ZNF536: variants seen among roughly 807,000 people sequenced by gnomAD.
ZNF536 encodes the protein zinc finger protein 536.
In ZNF536, 13 loss-of-function variants were observed where a neutral mutation model predicts 84.5. The observed-to-expected ratio is 0.15, with a 90% CI of 0.10 to 0.24. ZNF536 has a LOEUF of 0.24. ZNF536 is among the 10% of genes least tolerant of loss of function. The pLI is 1.00. For missense variants in ZNF536, 1,536 were observed against 1,747.5 expected (o/e 0.88, Z 2.16); for synonymous variants, 811 against 742.5 (o/e 1.09, Z -1.50).
chr19:30,592,726 A>T (rs1369235847), intron 1 of ZNF536, among the ~76,000 whole-genome samples: 1 of 152,056 alleles, frequency 6.6e-6, no homozygotes, highest in Non-Finnish European at 1.5e-5. Context: ...GATTAAATCA[A>T]CTTTACCCCC....
intron 1 of ZNF536, among the ~76,000 whole-genome samples, chr19:30,629,263 A>G (rs1454637802): frequency 6.6e-6 from 1 of 152,142 alleles, no homozygotes; most frequent in East Asian, 1.9e-4. Flanking sequence ...CAGTGGCATG[A>G]TCACGGCTTA....
chr19:30,306,748 T>G (rs1263835939), intron 2 of ZNF536, among the ~76,000 whole-genome samples: 1 of 152,242 alleles, frequency 6.6e-6, no homozygotes, highest in African/African-American at 2.4e-5. Flanking sequence ...TAACTTTCTG[T>G]ATGCAGCTGT....
chr19:30,364,781 A>G (rs1240232841), intron 3 of ZNF536, among the ~76,000 whole-genome samples: 1 of 152,078 alleles, frequency 6.6e-6, no homozygotes, highest in African/African-American at 2.4e-5. Context: ...GAAAAGAAAA[A>G]CACCCTTTAT....
At chr19:30,277,451 A>G (rs756095238) in intron 1 of ZNF536, among the ~76,000 whole-genome samples, 6 of 152,200 alleles carry the variant, frequency 3.9e-5, no homozygotes, top group Non-Finnish European at 8.8e-5. Context: ...GAAAGCATTT[A>G]GATCGAACAG....
At chr19:30,308,517 G>C (rs2046406827) in intron 2 of ZNF536, among the ~76,000 whole-genome samples, 1 of 152,156 alleles carries the variant, frequency 6.6e-6, no homozygotes. Flanking sequence ...CTTGAGTTGG[G>C]CGCCATCTTG....
At chr19:30,333,745 A>T (rs2146433972) in intron 2 of ZNF536, among the ~76,000 whole-genome samples, 1 of 152,256 alleles carries the variant, frequency 6.6e-6, no homozygotes, top group Non-Finnish European at 1.5e-5. Context: ...GCCGGACCCC[A>T]CGGAGACTAA....
At chr19:30,382,144 G>A (rs947329940) in intron 1 of ZNF536, among the ~76,000 whole-genome samples, 3 of 152,026 alleles carry the variant, frequency 2.0e-5, no homozygotes, top group South Asian at 2.1e-4. Context: ...TGCTGCCCCC[G>A]CCTGCAAAGA....
intron 1 of ZNF536, among the ~76,000 whole-genome samples, chr19:30,374,919 G>A (rs1469445355): frequency 6.6e-6 from 1 of 151,840 alleles, no homozygotes; most frequent in Non-Finnish European, 1.5e-5. Flanking sequence ...CCATTCACGA[G>A]CAGGCAGCCC....
chr19:30,498,650 G>GA (rs1218483377), intron 2 of ZNF536, among the ~76,000 whole-genome samples: 1 of 152,066 alleles, frequency 6.6e-6, no homozygotes, highest in Non-Finnish European at 1.5e-5. Context: ...TCAAAAAATA[G>GA]AAAAAATATA....
intron 2 of ZNF536, among the ~76,000 whole-genome samples, chr19:30,290,958 T>C (rs2045818678): frequency 1.3e-5 from 2 of 152,178 alleles, no homozygotes; most frequent in Non-Finnish European, 2.9e-5. Flanking sequence ...TCTGTTCCTG[T>C]GTTGTTTGCT....
At chr19:30,334,451 C>CA (rs2047314148) in intron 2 of ZNF536, among the ~76,000 whole-genome samples, 1 of 152,064 alleles carries the variant, frequency 6.6e-6, no homozygotes, top group Non-Finnish European at 1.5e-5. Flanking sequence ...AGTAAGACCC[C>CA]AAGAAACAGA....
intron 3 of ZNF536, among the ~76,000 whole-genome samples, chr19:30,542,686 A>G (rs1001624774): frequency 5.9e-5 from 9 of 152,184 alleles, no homozygotes; most frequent in African/African-American, 1.7e-4. Context: ...ACATTTCACA[A>G]TGACTGCCTG....
chr19:30,653,826 C>T (rs1370775930), intron 1 of ZNF536, among the ~76,000 whole-genome samples: 1 of 152,168 alleles, frequency 6.6e-6, no homozygotes, highest in African/African-American at 2.4e-5. Flanking sequence ...GAAGTTAGAC[C>T]CCAGGAAAAG....
At chr19:30,667,017 G>A (rs1023151962) in intron 1 of ZNF536, among the ~76,000 whole-genome samples, 1 of 152,064 alleles carries the variant, frequency 6.6e-6, no homozygotes, top group Non-Finnish European at 1.5e-5. Flanking sequence ...GACCCTTGGG[G>A]CAGCTGTTCT....
intron 1 of ZNF536, among the ~76,000 whole-genome samples, chr19:30,638,240 C>T (rs1020228782): frequency 9.9e-5 from 15 of 152,184 alleles, no homozygotes; most frequent in Admixed American, 3.9e-4. Flanking sequence ...TTCCATCAGT[C>T]GTAAGGACTT....
chr19:30,550,630 G>A (rs2045740950), intron 4 of ZNF536, among the ~76,000 whole-genome samples: 3 of 151,672 alleles, frequency 2.0e-5, no homozygotes, highest in Admixed American at 2.0e-4. Flanking sequence ...GGGAAGGAAA[G>A]AAAAGGGAAG....
chr19:30,249,415 G>A (rs2024479474), intron 1 of ZNF536, among the ~76,000 whole-genome samples: 1 of 152,050 alleles, frequency 6.6e-6, no homozygotes, highest in African/African-American at 2.4e-5. Flanking sequence ...ACGCCCTTGT[G>A]GCATGAGTTC....
intron 1 of ZNF536, among the ~76,000 whole-genome samples, chr19:30,434,837 AATG>A (rs2051639459): frequency 7.8e-6 from 1 of 129,012 alleles, no homozygotes; most frequent in Non-Finnish European, 1.7e-5. Context: ...TGGTGATGGT[AATG>A]ATAATGATGA....
intron 1 of ZNF536, among the ~76,000 whole-genome samples, chr19:30,276,185 C>A (rs920119462): frequency 6.6e-5 from 10 of 151,980 alleles, no homozygotes; most frequent in Non-Finnish European, 1.5e-4. Flanking sequence ...AAAGGGGACA[C>A]CAAGTGTTTC....
Sources: gnomAD v4.1 joint callset for allele counts (sites outside exome capture counted in the v4.1 genomes callset) on GRCh38, gnomAD v4.1.1 for gene constraint, MANE v1.5 for transcripts, NCBI Gene and HGNC (gene_info 2026-07-23, HGNC 2026-07-21) for gene names.